CLDN16: variants seen among roughly 807,000 people sequenced by gnomAD.
CLDN16 encodes the protein claudin 16.
CLDN16 carries 13 observed loss-of-function variants against 24.6 expected under a neutral mutation model. The ratio of observed to expected loss-of-function variants is 0.53; its 90% CI spans 0.34 to 0.84. The LOEUF (loss-of-function observed/expected upper bound fraction) is 0.84. Ranked by LOEUF, CLDN16 falls within the 40% of genes least tolerant of loss-of-function variation. CLDN16 has a pLI of 0.01. For missense variants in CLDN16, 298 were observed against 292.7 expected (o/e 1.02, Z -0.13); for synonymous variants, 116 against 106.7 (o/e 1.09, Z -0.54).
intron 1 of CLDN16, among the ~76,000 whole-genome samples, chr3:190,359,184 G>A (rs575475303): frequency 4.6e-5 from 7 of 152,138 alleles, no homozygotes; most frequent in African/African-American, 1.7e-4. Flanking sequence ...TCCTGCAACT[G>A]CAATCTTGTT....
chr3:190,313,620 T>C, the CLDN16 span, among the ~76,000 whole-genome samples: 2 of 152,310 alleles, frequency 1.3e-5, no homozygotes, highest in South Asian at 4.1e-4. Context: ...GGGAAGAATA[T>C]AGAAGTCATT....
At chr3:190,341,946 C>T (rs1717447870) in intron 1 of CLDN16, among the ~76,000 whole-genome samples, 1 of 152,190 alleles carries the variant, frequency 6.6e-6, no homozygotes, top group Non-Finnish European at 1.5e-5. Context: ...ACAAGAGTCA[C>T]CTTTGCTCCA....
chr3:190,322,527 C>CT, upstream of CLDN16: 1 of 337,218 alleles, frequency 3.0e-6, no homozygotes, highest in Non-Finnish European at 5.5e-6. Flanking sequence ...CTGGCGGTTT[C>CT]AGGGCGGCTC....
At chr3:190,327,140 T>G (rs1717081842) in intron 1 of CLDN16, among the ~76,000 whole-genome samples, 1 of 152,108 alleles carries the variant, frequency 6.6e-6, no homozygotes, top group Non-Finnish European at 1.5e-5. Flanking sequence ...AATTCAACAT[T>G]CGTAAAGTGT....
At chr3:190,358,452 C>A (rs530723064) in intron 1 of CLDN16, among the ~76,000 whole-genome samples, 1 of 151,920 alleles carries the variant, frequency 6.6e-6, no homozygotes, top group South Asian at 2.1e-4. Context: ...AGACTCGTCC[C>A]TCCTGAGTAC....
intron 1 of CLDN16, 36 bp downstream of exon 1, chr3:190,388,479 C>A: frequency 6.9e-6 from 11 of 1,599,796 alleles, no homozygotes; most frequent in Non-Finnish European, 8.6e-6. Context: ...TGATCCAGGC[C>A]AGCCCAAATT....
intron 1 of CLDN16, among the ~76,000 whole-genome samples, chr3:190,364,272 A>G (rs960655731): frequency 3.3e-5 from 5 of 151,662 alleles, no homozygotes; most frequent in Non-Finnish European, 7.4e-5. Flanking sequence ...AGTTTGGTTG[A>G]GGGAGATGTA....
At chr3:190,399,351 TA>T (rs111384302) in intron 1 of CLDN16, among the ~76,000 whole-genome samples, 141,303 of 150,520 alleles carry the variant, frequency 0.94, 66,378 homozygotes, top group East Asian at 0.98. Flanking sequence ...TAAAAATACT[TA>T]AAAAAAAAAA....
chr3:190,302,444 G>A, the CLDN16 span, among the ~76,000 whole-genome samples: 6 of 152,070 alleles, frequency 3.9e-5, no homozygotes, highest in Admixed American at 2.0e-4. Flanking sequence ...TTCCATTATT[G>A]CAGAAAATAT....
intron 1 of CLDN16, among the ~76,000 whole-genome samples, chr3:190,337,034 C>A (rs904538033): frequency 6.6e-6 from 1 of 152,200 alleles, no homozygotes; most frequent in Non-Finnish European, 1.5e-5. Context: ...TCCTTATGAG[C>A]AGCTAATAGA....
At chr3:190,302,431 C>G in the CLDN16 span, among the ~76,000 whole-genome samples, 1 of 152,112 alleles carries the variant, frequency 6.6e-6, no homozygotes, top group Non-Finnish European at 1.5e-5. Flanking sequence ...CCAGGGGCAC[C>G]ATTTCCATTA....
chr3:190,324,316 C>T (rs1264121025), intron 1 of CLDN16, among the ~76,000 whole-genome samples: 1 of 152,038 alleles, frequency 6.6e-6, no homozygotes, highest in African/African-American at 2.4e-5. Flanking sequence ...AACCCCGTCT[C>T]TACTAACAAT....
the CLDN16 span, among the ~76,000 whole-genome samples, chr3:190,311,076 T>C: frequency 5.3e-5 from 8 of 152,224 alleles, no homozygotes; most frequent in South Asian, 1.7e-3. Context: ...CATGGTCCAA[T>C]GTAATTGCCT....
chr3:190,369,892 G>C (rs1429547780), intron 1 of CLDN16, among the ~76,000 whole-genome samples: 1 of 151,932 alleles, frequency 6.6e-6, no homozygotes, highest in Non-Finnish European at 1.5e-5. Flanking sequence ...ATTTTCCCTT[G>C]CTTGAGTAAA....
chr3:190,326,942 G>A (rs1287330637), intron 1 of CLDN16, among the ~76,000 whole-genome samples: 1 of 152,152 alleles, frequency 6.6e-6, no homozygotes, highest in Non-Finnish European at 1.5e-5. Flanking sequence ...AAGAATCAAG[G>A]TCAAATTGCT....
At chr3:190,405,060 G>A in intron 3 of CLDN16, 134 bp downstream of exon 3, 1 of 866,294 alleles carries the variant, frequency 1.2e-6, no homozygotes, top group Non-Finnish European at 1.9e-6. Flanking sequence ...AAAACTAAAG[G>A]TCACTTCTAC....
chr3:190,303,663 A>C, the CLDN16 span, among the ~76,000 whole-genome samples: 1 of 152,196 alleles, frequency 6.6e-6, no homozygotes. Flanking sequence ...CATTAAAGAG[A>C]ATAACTCAGA....
chr3:190,297,623 T>A, the CLDN16 span, among the ~76,000 whole-genome samples: 2 of 110,028 alleles, frequency 1.8e-5, no homozygotes, highest in Non-Finnish European at 4.0e-5. Context: ...ATCTATAATA[T>A]AATATATAAT....
At chr3:190,405,641 A>G (rs573780229) in intron 3 of CLDN16, among the ~76,000 whole-genome samples, 1 of 152,216 alleles carries the variant, frequency 6.6e-6, no homozygotes, top group Non-Finnish European at 1.5e-5. Context: ...TAAACTAACA[A>G]TTGTGCCAAG....
Sources: allele counts gnomAD v4.1 joint callset (sites outside exome capture counted in the v4.1 genomes callset), GRCh38; gene constraint gnomAD v4.1.1; transcripts MANE v1.5; gene names NCBI Gene and HGNC (gene_info 2026-07-23, HGNC 2026-07-21).